FAM117B: variants seen among roughly 807,000 people sequenced by gnomAD.
The protein encoded by FAM117B is protein FAM117B.
A neutral mutation model predicts 52.8 loss-of-function variants in FAM117B; 22 were observed. That is an observed-to-expected ratio of 0.42 (90% CI 0.30 to 0.59). The LOEUF is 0.59. Among genes scored for constraint, FAM117B ranks in the 20% least tolerant of loss-of-function variants. FAM117B has a pLI of 0.22. For missense variants in FAM117B, 678 were observed against 802.6 expected, an observed-to-expected ratio of 0.84 and a Z score of 1.88; for synonymous variants, 309 against 324.1, an observed-to-expected ratio of 0.95 and a Z score of 0.50.
At chr2:202,705,132 C>A (rs770872638) in intron 2 of FAM117B, among the ~76,000 whole-genome samples, 2 of 151,884 alleles carry the variant, frequency 1.3e-5, no homozygotes, top group Non-Finnish European at 2.9e-5. Flanking sequence ...CATGGAGAAA[C>A]CCCATCTCTA....
intron 4 of FAM117B, among the ~76,000 whole-genome samples, chr2:202,738,450 T>C (rs996516409): frequency 6.6e-6 from 1 of 152,076 alleles, no homozygotes; most frequent in Non-Finnish European, 1.5e-5. Flanking sequence ...GGAGAATTTA[T>C]AAAAAAAGAA....
Position 202,661,773 on chromosome 2 carries a change from G to A in FAM117B, c.601+25985G>A, listed in dbSNP as rs543199754. Reference sequence around the variant, plus strand: ...TCTCGTAAAAATACAAAAATTAGCCGGGCATGGTGGCGCGTGCCTGTAATC... The same window carrying A: ...TCTCGTAAAAATACAAAAATTAGCCAGGCATGGTGGCGCGTGCCTGTAATC... On this transcript the variant is annotated intron_variant, in intron 1 of 7. Coordinates refer to ENST00000392238, the MANE Select transcript of FAM117B (RefSeq NM_173511.4). Among the ~76,000 whole-genome samples the A allele has an allele frequency of 2.4e-3, 363 of 152,006 alleles. 1 individual carries two copies. The highest frequency in any genetic ancestry group is 7.2e-3 in the African/African-American group (300 of 41,494).
At chr2:202,763,615 A>G (rs1310165630) in intron 7 of FAM117B, among the ~76,000 whole-genome samples, 1 of 152,206 alleles carries the variant, frequency 6.6e-6, no homozygotes, top group Non-Finnish European at 1.5e-5. Context: ...AGATGATAAA[A>G]ATAGAAGGGT....
At chr2:202,653,083 A>G (rs1689980091) in intron 1 of FAM117B, among the ~76,000 whole-genome samples, 1 of 152,170 alleles carries the variant, frequency 6.6e-6, no homozygotes, top group Non-Finnish European at 1.5e-5. Flanking sequence ...CCTAGGCAAC[A>G]TAGAGGTACC....
intron 4 of FAM117B, among the ~76,000 whole-genome samples, chr2:202,749,571 G>A (rs1691689607): frequency 6.6e-6 from 1 of 151,948 alleles, no homozygotes. Context: ...TGTTATCTCT[G>A]GTGATTGACA....
chr2:202,678,061 T>C (rs1248604341), intron 1 of FAM117B, among the ~76,000 whole-genome samples: 1 of 152,170 alleles, frequency 6.6e-6, no homozygotes, highest in Non-Finnish European at 1.5e-5. Context: ...TGTGATATAT[T>C]AATATGATAT....
rs1690701869 is a variant in FAM117B at position 202,695,886 on chromosome 2, A to G, written c.607A>G (p.Lys203Glu). 1 of 1,589,748 alleles carries G rather than the reference A, an allele frequency of 6.3e-7. No individual in the cohort carries two copies. Among genetic ancestry groups the G allele is most frequent in the African/African-American group, 1.3e-5 (1 of 74,088 alleles). ...CATTTTTGTCTTAAATCTAGGTGAC[A>G]AAACACGACAGCCTTCTTCAAGCCC... ...PSAPVCKAGD[K>E]TRQPSSSPSS... is the part of the protein sequence containing the mutation. Residue 203 changes from lysine to glutamate, a missense_variant, in exon 2 of 8, where the codon AAA (lysine) becomes GAA (glutamate). Lys to Glu is a moderately conservative substitution (Grantham distance 56). Around this residue, in one of 3 missense-constraint regions of FAM117B, gnomAD observed 583 missense variants for 644.8 expected, o/e 0.90. Transcript: ENST00000392238.
At chr2:202,655,562 G>T (rs1196204560) in intron 1 of FAM117B, among the ~76,000 whole-genome samples, 4 of 152,218 alleles carry the variant, frequency 2.6e-5, no homozygotes, top group African/African-American at 9.6e-5. Context: ...TTGGGGGAAA[G>T]TTGGCTTTAT....
chr2:202,715,164 A>AC (rs545812077), intron 2 of FAM117B, among the ~76,000 whole-genome samples: 2,463 of 139,030 alleles, frequency 0.018, 82 homozygotes, highest in African/African-American at 0.063. Context: ...GCAGGGGCTG[A>AC]CCCCCCACCT....
At chr2:202,679,483 G>A (rs963436529) in intron 1 of FAM117B, among the ~76,000 whole-genome samples, 2 of 152,216 alleles carry the variant, frequency 1.3e-5, no homozygotes, top group Non-Finnish European at 2.9e-5. Context: ...TGTGTGTACA[G>A]TGAAACTCCA....
intron 2 of FAM117B, among the ~76,000 whole-genome samples, chr2:202,712,178 TG>T (rs1257190862): frequency 6.6e-6 from 1 of 152,166 alleles, no homozygotes; most frequent in Non-Finnish European, 1.5e-5. Context: ...TCCATGAACA[TG>T]GGATTTCTTT....
chr2:202,635,820 G>T, intron 1 of FAM117B, 32 bp downstream of exon 1: 1 of 1,399,280 alleles, frequency 7.1e-7, no homozygotes. Context: ...GCAAGGGGGA[G>T]GCGGCTGCGG....
At chr2:202,756,340 G>A (rs1297359139) in intron 5 of FAM117B, among the ~76,000 whole-genome samples, 1 of 152,018 alleles carries the variant, frequency 6.6e-6, no homozygotes, top group African/African-American at 2.4e-5. Context: ...CTTGAACCCG[G>A]GAGGTGAAGG....
intron 1 of FAM117B, among the ~76,000 whole-genome samples, chr2:202,661,646 T>G (rs1341238808): frequency 6.6e-6 from 1 of 152,164 alleles, no homozygotes; most frequent in African/African-American, 2.4e-5. Context: ...CCAGGTGCAT[T>G]GGCTCACACC....
chr2:202,687,910 G>T (rs1378131591), intron 1 of FAM117B, among the ~76,000 whole-genome samples: 1 of 152,024 alleles, frequency 6.6e-6, no homozygotes, highest in Non-Finnish European at 1.5e-5. Flanking sequence ...TTTGGTTATG[G>T]TATCTGTTAA....
At chr2:202,653,446 C>T (rs2105757682) in intron 1 of FAM117B, among the ~76,000 whole-genome samples, 1 of 152,302 alleles carries the variant, frequency 6.6e-6, no homozygotes, top group African/African-American at 2.4e-5. Flanking sequence ...TCAAGCAATC[C>T]TCCTGCCTCA....
chr2:202,651,267 G>C (rs1308306762), intron 1 of FAM117B, among the ~76,000 whole-genome samples: 1 of 151,902 alleles, frequency 6.6e-6, no homozygotes, highest in Admixed American at 6.6e-5. Context: ...TCACTACGTT[G>C]GCCAGGCTGG....
chr2:202,758,001 T>G (rs1309875173), intron 6 of FAM117B, among the ~76,000 whole-genome samples: 1 of 152,260 alleles, frequency 6.6e-6, no homozygotes, highest in Non-Finnish European at 1.5e-5. Context: ...ATTACAAATA[T>G]TCTTGCCTTT....
At chr2:202,711,231 G>A (rs975422571) in intron 2 of FAM117B, among the ~76,000 whole-genome samples, 3 of 151,986 alleles carry the variant, frequency 2.0e-5, no homozygotes, top group Admixed American at 6.6e-5. Flanking sequence ...GTTATTGCCC[G>A]GCTTTTGGAT....
Sources: allele counts gnomAD v4.1 joint callset (sites outside exome capture counted in the v4.1 genomes callset), GRCh38; gene constraint gnomAD v4.1.1; regional missense constraint gnomAD v4.1.1; transcripts MANE v1.5; gene names NCBI Gene and HGNC (gene_info 2026-07-23, HGNC 2026-07-21).